HS6ST3: variants seen among roughly 807,000 people sequenced by gnomAD.
The protein encoded by HS6ST3 is heparan-sulfate 6-O-sulfotransferase 3.
HS6ST3 carries 12 observed loss-of-function variants against 36.7 expected under a neutral mutation model. The ratio of observed to expected loss-of-function variants is 0.33; its 90% CI spans 0.21 to 0.53. The LOEUF is 0.53. Ranked by LOEUF, HS6ST3 falls within the 20% of genes least tolerant of loss-of-function variation. HS6ST3 has a pLI of 0.95. For missense variants in HS6ST3, 584 were observed against 640.9 expected (o/e 0.91, Z 0.96); for synonymous variants, 240 against 257.5 (o/e 0.93, Z 0.65).
intron 1 of HS6ST3, among the ~76,000 whole-genome samples, chr13:96,424,167 CCAAA>C (rs2055575130): frequency 2.0e-5 from 3 of 152,220 alleles, no homozygotes; most frequent in East Asian, 1.9e-4. Flanking sequence ...GTTGACATCA[CCAAA>C]CAAACGAATT....
At chr13:96,548,275 C>T (rs900003775) in intron 1 of HS6ST3, among the ~76,000 whole-genome samples, 6 of 152,206 alleles carry the variant, frequency 3.9e-5, no homozygotes, top group East Asian at 1.9e-4. Context: ...CACATCCAGA[C>T]GCACCTTGCT....
intron 1 of HS6ST3, among the ~76,000 whole-genome samples, chr13:96,509,333 T>A (rs966296843): frequency 1.3e-5 from 2 of 152,158 alleles, no homozygotes; most frequent in Admixed American, 1.3e-4. Context: ...TCTTTTGCTC[T>A]ATGGAAGTTT....
intron 1 of HS6ST3, among the ~76,000 whole-genome samples, chr13:96,187,519 A>C (rs887517944): frequency 6.7e-6 from 1 of 148,496 alleles, no homozygotes; most frequent in Non-Finnish European, 1.5e-5. Context: ...GGGCTCTATG[A>C]CTCCAAAGCC....
chr13:96,358,917 T>TGAG (rs1566336814), intron 1 of HS6ST3, among the ~76,000 whole-genome samples: 11 of 148,768 alleles, frequency 7.4e-5, no homozygotes, highest in African/African-American at 2.8e-4. Flanking sequence ...TCTATCTATC[T>TGAG]AGAGAGAGAT....
intron 1 of HS6ST3, among the ~76,000 whole-genome samples, chr13:96,613,383 C>T (rs779791665): frequency 2.6e-5 from 4 of 152,110 alleles, no homozygotes; most frequent in Non-Finnish European, 5.9e-5. Context: ...TTGTGGTAGG[C>T]CTGGGACTCA....
intron 1 of HS6ST3, among the ~76,000 whole-genome samples, chr13:96,231,039 G>A (rs956948952): frequency 6.6e-6 from 1 of 152,098 alleles, no homozygotes; most frequent in African/African-American, 2.4e-5. Context: ...CCTACCCTGG[G>A]TAAGGTGGAA....
chr13:96,789,012 A>G (rs1253062852), intron 1 of HS6ST3, among the ~76,000 whole-genome samples: 1 of 151,572 alleles, frequency 6.6e-6, no homozygotes, highest in African/African-American at 2.4e-5. Context: ...TTTACATTTC[A>G]TTACTGGTAT....
At chr13:96,544,753 C>T (rs528986773) in intron 1 of HS6ST3, among the ~76,000 whole-genome samples, 9 of 152,170 alleles carry the variant, frequency 5.9e-5, no homozygotes, top group Admixed American at 3.9e-4. Context: ...TCCGAAGTGC[C>T]GTCCTCTCTG....
intron 1 of HS6ST3, among the ~76,000 whole-genome samples, chr13:96,790,267 A>G (rs1455796763): frequency 8.3e-6 from 1 of 120,674 alleles, no homozygotes; most frequent in Non-Finnish European, 1.7e-5. Flanking sequence ...TAAAACACAC[A>G]TGTACACACA....
chr13:96,276,362 C>T (rs1359930369), intron 1 of HS6ST3, among the ~76,000 whole-genome samples: 1 of 152,160 alleles, frequency 6.6e-6, no homozygotes, highest in African/African-American at 2.4e-5. Context: ...GATGCCATCA[C>T]CTAATCTTTC....
intron 1 of HS6ST3, among the ~76,000 whole-genome samples, chr13:96,702,614 T>C (rs1271808711): frequency 6.6e-6 from 1 of 152,238 alleles, no homozygotes; most frequent in Non-Finnish European, 1.5e-5. Context: ...GCCTGCTGAC[T>C]GCTTCTCTAT....
chr13:96,174,651 A>T (rs1015544927), intron 1 of HS6ST3, among the ~76,000 whole-genome samples: 1 of 152,202 alleles, frequency 6.6e-6, no homozygotes, highest in Admixed American at 6.5e-5. Context: ...CAGGATTTAT[A>T]TATTTAAATT....
intron 1 of HS6ST3, among the ~76,000 whole-genome samples, chr13:96,677,701 G>A (rs185833698): frequency 9.5e-4 from 144 of 152,020 alleles, no homozygotes; most frequent in Non-Finnish European, 1.7e-3. Flanking sequence ...TACCCATGTC[G>A]CTCTGCACTC....
intron 1 of HS6ST3, among the ~76,000 whole-genome samples, chr13:96,426,533 T>TA (rs1375700688): frequency 6.6e-6 from 1 of 152,238 alleles, no homozygotes; most frequent in African/African-American, 2.4e-5. Context: ...TATTTTCAAT[T>TA]AGAGTCTTAC....
chr13:96,782,955 A>G (rs2138515082), intron 1 of HS6ST3, among the ~76,000 whole-genome samples: 1 of 152,236 alleles, frequency 6.6e-6, no homozygotes, highest in South Asian at 2.1e-4. Context: ...AAACTCTGAG[A>G]GGCCAGAAAT....
intron 1 of HS6ST3, among the ~76,000 whole-genome samples, chr13:96,288,888 G>A (rs902432406): frequency 1.3e-5 from 2 of 151,900 alleles, no homozygotes; most frequent in African/African-American, 2.4e-5. Context: ...TTTTCCTAAA[G>A]AGATTTCTTA....
chr13:96,104,371 A>G (rs1030612199), intron 1 of HS6ST3, among the ~76,000 whole-genome samples: 1 of 152,178 alleles, frequency 6.6e-6, no homozygotes, highest in African/African-American at 2.4e-5. Context: ...GAGACCTGGA[A>G]TACATGGAAC....
intron 1 of HS6ST3, among the ~76,000 whole-genome samples, chr13:96,774,725 C>T (rs560974069): frequency 5.9e-5 from 9 of 152,122 alleles, no homozygotes; most frequent in East Asian, 3.9e-4. Context: ...CTGAAAGTGA[C>T]GGGGAGAATG....
At chr13:96,823,351 G>A (rs1878576789) in intron 1 of HS6ST3, among the ~76,000 whole-genome samples, 1 of 152,120 alleles carries the variant, frequency 6.6e-6, no homozygotes, top group East Asian at 1.9e-4. Context: ...GTCCCTAGTT[G>A]TCCCAAACTG....
Sources: allele counts gnomAD v4.1 joint callset (sites outside exome capture counted in the v4.1 genomes callset), GRCh38; gene constraint gnomAD v4.1.1; transcripts MANE v1.5; gene names NCBI Gene and HGNC (gene_info 2026-07-23, HGNC 2026-07-21).